The following SCEL variants were observed in gnomAD, a reference collection of about 807,000 sequenced individuals.
SCEL encodes the protein sciellin.
A neutral mutation model predicts 117.6 loss-of-function variants in SCEL; 113 were observed. The observed-to-expected ratio is 0.96, with a 90% confidence interval of 0.83 to 1.12. The LOEUF is 1.12. SCEL is among the 50% of genes most tolerant of loss of function. SCEL has a pLI of 0.00. For missense variants in SCEL, 785 were observed against 810.8 expected (o/e 0.97, Z 0.39); for synonymous variants, 270 against 256.2 (o/e 1.05, Z -0.51).
intron 1 of SCEL, among the ~76,000 whole-genome samples, chr13:77,550,387 AATAT>A (rs71203062): frequency 0.18 from 26,059 of 144,260 alleles, 2,644 homozygotes; most frequent in East Asian, 0.29. Context: ...CTTTGTCTAA[AATAT>A]ATATATATAT....
intron 9 of SCEL, among the ~76,000 whole-genome samples, chr13:77,578,658 T>C (rs1245932105): frequency 6.6e-6 from 1 of 152,134 alleles, no homozygotes; most frequent in Non-Finnish European, 1.5e-5. Flanking sequence ...AACACAATGC[T>C]AGGTTTTTAA....
chr13:77,582,785 G>T (rs544728077), intron 9 of SCEL, among the ~76,000 whole-genome samples: 1 of 152,142 alleles, frequency 6.6e-6, no homozygotes, highest in East Asian at 1.9e-4. Flanking sequence ...TTATGTTTAA[G>T]AACTCTTTGC....
chr13:77,589,251 T>G, intron 10 of SCEL, 27 bp downstream of exon 10: 1 of 1,533,556 alleles, frequency 6.5e-7, no homozygotes, highest in Non-Finnish European at 9.0e-7. Context: ...CAGAATTTCT[T>G]GACAAAATGA....
intron 12 of SCEL, among the ~76,000 whole-genome samples, chr13:77,595,213 A>G (rs1264382968): frequency 1.3e-5 from 2 of 152,188 alleles, no homozygotes. Flanking sequence ...AGCCAGGTAC[A>G]TTTATCACAG....
chr13:77,627,696 A>G (rs1205291540), intron 27 of SCEL, among the ~76,000 whole-genome samples: 1 of 152,236 alleles, frequency 6.6e-6, no homozygotes, highest in African/African-American at 2.4e-5. Context: ...ATTTCTTTTC[A>G]GATCAGATTT....
At position 77,607,944 on chromosome 13, in the gene SCEL, C is replaced by T; in HGVS notation, c.1158-112C>T. 4.2e-6 allele frequency: 3 copies of T among 722,440 alleles called. No homozygotes were observed. The South Asian group carries it at 6.5e-5, about 16-fold the overall frequency. 44.8% of individuals were successfully genotyped at this position (722,440 alleles called of 1,614,324 possible). ...AGTCTTCAACTCCTTGGCATGATCTCAATGAGTGTTTACACTGCTTCTGAG... is the reference window on the plus strand; with the variant it reads ...AGTCTTCAACTCCTTGGCATGATCTTAATGAGTGTTTACACTGCTTCTGAG... On this transcript the variant is annotated intron_variant, in intron 19 of 32. Coordinates refer to ENST00000349847, the MANE Select transcript of SCEL (RefSeq NM_144777.3).
chr13:77,571,165 G>A (rs1181887882), intron 8 of SCEL, among the ~76,000 whole-genome samples: 4 of 151,088 alleles, frequency 2.6e-5, no homozygotes, highest in Non-Finnish European at 4.4e-5. Context: ...TTTTGAGGCC[G>A]GGCGCGGTGG....
At chr13:77,574,752 AT>A (rs1423629883) in intron 9 of SCEL, among the ~76,000 whole-genome samples, 1 of 152,216 alleles carries the variant, frequency 6.6e-6, no homozygotes, top group Non-Finnish European at 1.5e-5. Flanking sequence ...GAAAATGGAA[AT>A]AGGTCAAAAA....
chr13:77,556,590 TGA>T lies in SCEL; in HGVS notation c.44-5_44-4del. 6.2e-7 allele frequency: 1 copy of T among 1,610,124 alleles called. No homozygotes were observed. Among genetic ancestry groups the T allele is most frequent in the Non-Finnish European group, 8.5e-7 (1 of 1,176,452 alleles). ...ATCTTCCAGTCTTTCATGTTTCTGT[TGA>T]TAGAGATGAAGAGCACCACTCAGGG... On this transcript the variant is annotated splice_region_variant and splice_polypyrimidine_tract_variant and intron_variant, in intron 2 of 32. Transcript: ENST00000349847.
At chr13:77,593,295 T>TGTGCAC (rs796907419) in intron 11 of SCEL, among the ~76,000 whole-genome samples, 3 of 136,784 alleles carry the variant, frequency 2.2e-5, no homozygotes, top group African/African-American at 8.4e-5. Flanking sequence ...TGTGTGTGTG[T>TGTGCAC]GTCTGTGTGT....
intron 3 of SCEL, among the ~76,000 whole-genome samples, chr13:77,559,338 G>A (rs965157093): frequency 6.6e-6 from 1 of 152,200 alleles, no homozygotes; most frequent in African/African-American, 2.4e-5. Flanking sequence ...TTGGTACTGA[G>A]TTTCCCACAT....
rs770946864 is a variant in SCEL, at chr13:77,604,366, C to T, written c.1108C>T (p.Leu370Phe). ...TTTCCTTTTTCAAAGAAAAAAAGAC[C>T]TTGATGGGCTTATTAAAGTGGATCC... ...GHENTTGKKD[L>F]DGLIKVDPET... Residue 370 changes from leucine to phenylalanine, a missense_variant, in exon 19 of 33, where the codon CTT (leucine) becomes TTT (phenylalanine). By Grantham distance (22) the Leu-to-Phe change is conservative. Coordinates refer to ENST00000349847, the MANE Select transcript of SCEL (RefSeq NM_144777.3). 6.4e-7 allele frequency: 1 copy of T among 1,571,222 alleles called. No homozygotes were observed. The highest frequency in any genetic ancestry group is 2.3e-5 in the East Asian group (1 of 42,894).
chr13:77,541,745 C>T (rs1593858381), intron 1 of SCEL, among the ~76,000 whole-genome samples: 1 of 152,014 alleles, frequency 6.6e-6, no homozygotes, highest in East Asian at 1.9e-4. Flanking sequence ...GTATTTTCCA[C>T]ATTTTATATA....
chr13:77,569,063 G>A (rs1470290027), intron 7 of SCEL, among the ~76,000 whole-genome samples: 5 of 152,084 alleles, frequency 3.3e-5, no homozygotes, highest in African/African-American at 1.2e-4. Flanking sequence ...TATAATCACA[G>A]GAATAAAAGA....
chr13:77,633,213 G>T (rs922732841), intron 28 of SCEL, among the ~76,000 whole-genome samples: 2 of 150,252 alleles, frequency 1.3e-5, no homozygotes, highest in Middle Eastern at 3.5e-3. Context: ...GAGGCGGGTG[G>T]ATCATGAGGT....
At chr13:77,558,454 GTTT>G (rs1255250289) in intron 3 of SCEL, among the ~76,000 whole-genome samples, 2 of 152,086 alleles carry the variant, frequency 1.3e-5, no homozygotes, top group African/African-American at 2.4e-5. Context: ...TGCTGGCATT[GTTT>G]CATTTTTACT....
At chr13:77,594,976 G>C (rs1328120555) in intron 12 of SCEL, among the ~76,000 whole-genome samples, 1 of 152,166 alleles carries the variant, frequency 6.6e-6, no homozygotes, top group African/African-American at 2.4e-5. Context: ...CCTCATTGAA[G>C]TGTCTAGATC....
chr13:77,596,612 A>G (rs1282531149), intron 12 of SCEL, among the ~76,000 whole-genome samples: 1 of 152,040 alleles, frequency 6.6e-6, no homozygotes, highest in African/African-American at 2.4e-5. Flanking sequence ...TGTGTCCTTA[A>G]CAAGGAAACT....
At chr13:77,637,341 T>TATATACATAAAC (rs1555521037) in intron 30 of SCEL, 147 bp downstream of exon 30, 1 of 154,462 alleles carries the variant, frequency 6.5e-6, no homozygotes, top group Non-Finnish European at 1.3e-5. Context: ...TATATAAACA[T>TATATACATAAAC]ATATACATAT....
Sources: gnomAD v4.1 joint callset for allele counts (sites outside exome capture counted in the v4.1 genomes callset) on GRCh38, gnomAD v4.1.1 for gene constraint, MANE v1.5 for transcripts, NCBI Gene and HGNC (gene_info 2026-07-23, HGNC 2026-07-21) for gene names.